KLC1: variants seen among roughly 807,000 people sequenced by gnomAD.
The protein encoded by KLC1 is kinesin 2 60/70kDa.
A neutral mutation model predicts 84.2 loss-of-function variants in KLC1; 30 were observed. That is an observed-to-expected ratio of 0.36 (90% confidence interval 0.27 to 0.48). KLC1 has a LOEUF of 0.48. Among genes scored for constraint, KLC1 ranks in the 20% least tolerant of loss-of-function variants. The pLI is 0.99. For synonymous variants in KLC1, 289 were observed against 293.3 expected (o/e 0.99, Z 0.15); for missense variants, 499 against 805.4 (o/e 0.62, Z 4.60).
At chr14:103,679,009 G>A (rs1448680771) in intron 12 of KLC1, among the ~76,000 whole-genome samples, 1 of 152,198 alleles carries the variant, frequency 6.6e-6, no homozygotes, top group Non-Finnish European at 1.5e-5. Flanking sequence ...GGAGATGCTG[G>A]AGTCTCATGT....
At chr14:103,697,379 C>T (rs866837590) in intron 15 of KLC1, among the ~76,000 whole-genome samples, 1 of 151,906 alleles carries the variant, frequency 6.6e-6, no homozygotes. Flanking sequence ...GCCCCCCTTC[C>T]TCCCACTGTA....
chr14:103,674,325 T>G (rs1284181218), intron 9 of KLC1, among the ~76,000 whole-genome samples: 1 of 152,198 alleles, frequency 6.6e-6, no homozygotes, highest in Non-Finnish European at 1.5e-5. Context: ...GGTGGCTTTT[T>G]CCTCCATAGC....
chr14:103,677,694 C>T (rs2081015150), intron 12 of KLC1, among the ~76,000 whole-genome samples, 171 bp downstream of exon 12: 1 of 152,186 alleles, frequency 6.6e-6, no homozygotes, highest in Non-Finnish European at 1.5e-5. Flanking sequence ...CGTGGTGGTT[C>T]ACACCTTTAA....
At chr14:103,634,452 G>A (rs533596396) in intron 1 of KLC1, among the ~76,000 whole-genome samples, 1 of 152,278 alleles carries the variant, frequency 6.6e-6, no homozygotes, top group Non-Finnish European at 1.5e-5. Flanking sequence ...TGCTTGTGGG[G>A]CAGCCAAGTG....
intron 15 of KLC1, chr14:103,695,411 C>G: frequency 1.0e-6 from 1 of 984,396 alleles, no homozygotes; most frequent in Non-Finnish European, 1.2e-6. Flanking sequence ...AAGCCAACCC[C>G]CCCCAAAAAA....
intron 1 of KLC1, among the ~76,000 whole-genome samples, chr14:103,646,341 A>G (rs1486775907): frequency 6.6e-6 from 1 of 151,328 alleles, no homozygotes; most frequent in Non-Finnish European, 1.5e-5. Context: ...TTGCTCTGTC[A>G]CCTACGCTGG....
At chr14:103,654,910 A>G (rs2078714237) in intron 2 of KLC1, 85 bp downstream of exon 2, 2 of 1,418,960 alleles carry the variant, frequency 1.4e-6, no homozygotes, top group East Asian at 2.3e-5. Flanking sequence ...TTCACTAAAG[A>G]AGAGGAAAGA....
At position 103,699,282 on chromosome 14, in the gene KLC1, C is replaced by T. The variant is rs45475405; in HGVS notation, c.1849-1373C>T. ...AGCCGGAGGCCACCTCACTGCCACC[C>T]GCCCCACCTCCAGACCGGCTCTGCT... On this transcript the variant is annotated intron_variant, in intron 15 of 16. Coordinates refer to ENST00000334553, the MANE Select transcript of KLC1 (RefSeq NM_001394837.1). 383 of 1,541,486 alleles carry T rather than the reference C, an allele frequency of 2.5e-4. 1 individual carries two copies. In the African/African-American group the frequency reaches 4.7e-3, roughly 19 times the overall value.
At chr14:103,632,010 C>A (rs1041271688) in intron 1 of KLC1, among the ~76,000 whole-genome samples, 2 of 152,164 alleles carry the variant, frequency 1.3e-5, no homozygotes, top group Non-Finnish European at 2.9e-5. Flanking sequence ...GTGACAAGCA[C>A]ATTAAGATTG....
At chr14:103,647,895 G>A (rs1269547136) in intron 1 of KLC1, among the ~76,000 whole-genome samples, 5 of 151,120 alleles carry the variant, frequency 3.3e-5, no homozygotes, top group Admixed American at 2.6e-4. Context: ...AAAAAGAATA[G>A]CATTTCCTAA....
At chr14:103,674,050 C>T (rs1189989050) in intron 9 of KLC1, among the ~76,000 whole-genome samples, 2 of 152,084 alleles carry the variant, frequency 1.3e-5, no homozygotes, top group South Asian at 2.1e-4. Flanking sequence ...ATACAGTTCA[C>T]GCAGAAATGG....
chr14:103,699,914 T>C (rs561319275), intron 15 of KLC1: 83 of 377,456 alleles, frequency 2.2e-4, no homozygotes, highest in African/African-American at 1.5e-3. Context: ...CTGCTCTCCT[T>C]CTGCCATGGT....
intron 13 of KLC1, among the ~76,000 whole-genome samples, chr14:103,681,129 A>G (rs542315835): frequency 7.9e-5 from 12 of 152,216 alleles, no homozygotes; most frequent in African/African-American, 2.6e-4. Flanking sequence ...ACCTGATTCT[A>G]TAGGCCATGT....
chr14:103,675,987 A>G (rs2080842849), intron 11 of KLC1, among the ~76,000 whole-genome samples: 1 of 152,224 alleles, frequency 6.6e-6, no homozygotes, highest in African/African-American at 2.4e-5. Flanking sequence ...CGATTTTGCC[A>G]TTACTTTTAC....
chr14:103,696,822 T>C (rs2082564528), intron 15 of KLC1: 1 of 985,402 alleles, frequency 1.0e-6, no homozygotes, highest in South Asian at 4.7e-5. Flanking sequence ...GCAAGACCCA[T>C]GGCCCTGGCC....
At chr14:103,691,312 C>A (rs966713233) in intron 14 of KLC1, among the ~76,000 whole-genome samples, 2 of 151,826 alleles carry the variant, frequency 1.3e-5, no homozygotes, top group Non-Finnish European at 2.9e-5. Flanking sequence ...GTGTGTACCA[C>A]CACGCCTGGC....
chr14:103,684,777 T>C (rs927970370), intron 13 of KLC1: 72 of 567,284 alleles, frequency 1.3e-4, no homozygotes, highest in Admixed American at 2.4e-4. Context: ...ATGAATCTTC[T>C]GTGTTCTGCC....
chr14:103,639,793 CTG>C (rs1259419466), intron 1 of KLC1, among the ~76,000 whole-genome samples: 1 of 151,830 alleles, frequency 6.6e-6, no homozygotes, highest in East Asian at 1.9e-4. Flanking sequence ...GGTCTCAACT[CTG>C]TCACCCAGGC....
chr14:103,641,887 G>A (rs1488568113), intron 1 of KLC1, among the ~76,000 whole-genome samples: 2 of 151,966 alleles, frequency 1.3e-5, no homozygotes, highest in Non-Finnish European at 2.9e-5. Context: ...ATCCCAAAGT[G>A]TTGGGATTAT....
Sources: gnomAD v4.1 joint callset for allele counts (sites outside exome capture counted in the v4.1 genomes callset) on GRCh38, gnomAD v4.1.1 for gene constraint, MANE v1.5 for transcripts, NCBI Gene and HGNC (gene_info 2026-07-23, HGNC 2026-07-21) for gene names.